Variants in RCOR1 observed in about 807,000 individuals in gnomAD.
RCOR1 encodes REST corepressor.
RCOR1 carries 12 observed loss-of-function variants against 64.0 expected under a neutral mutation model. That is an observed-to-expected ratio of 0.19 (90% CI 0.12 to 0.30). The LOEUF (loss-of-function observed/expected upper bound fraction) is 0.30, where lower values mean the gene tolerates loss of function less well. Ranked by LOEUF, RCOR1 falls within the 10% of genes least tolerant of loss-of-function variation. The pLI is 1.00. For missense variants in RCOR1, 502 were observed against 621.2 expected (o/e 0.81, Z 2.04); for synonymous variants, 279 against 227.2 (o/e 1.23, Z -2.05).
intron 2 of RCOR1, among the ~76,000 whole-genome samples, chr14:102,594,810 T>G (rs1893209904): frequency 6.6e-6 from 1 of 152,208 alleles, no homozygotes; most frequent in Admixed American, 6.5e-5. Context: ...GTTGACCCTG[T>G]CTTCATTTTG....
At chr14:102,677,063 G>A (rs1196725588) in intron 2 of RCOR1, among the ~76,000 whole-genome samples, 17 of 117,982 alleles carry the variant, frequency 1.4e-4, no homozygotes, top group South Asian at 2.8e-4. Context: ...GGACGGGGCG[G>A]CTGGCCGGGC....
At chr14:102,610,601 T>C (rs4906235) in intron 2 of RCOR1, among the ~76,000 whole-genome samples, 105,534 of 151,452 alleles carry the variant, frequency 0.7, 36,857 homozygotes, top group South Asian at 0.73. Flanking sequence ...GTCGCTCTGT[T>C]CCCCAGGCTG....
At chr14:102,610,228 G>A (rs1893598803) in intron 2 of RCOR1, among the ~76,000 whole-genome samples, 1 of 151,684 alleles carries the variant, frequency 6.6e-6, no homozygotes, top group Non-Finnish European at 1.5e-5. Flanking sequence ...TATATAAGCT[G>A]TACATGTTAT....
At chr14:102,631,875 A>G (rs957026274) in intron 2 of RCOR1, among the ~76,000 whole-genome samples, 1 of 151,738 alleles carries the variant, frequency 6.6e-6, no homozygotes, top group Non-Finnish European at 1.5e-5. Flanking sequence ...ATCTCGTCTC[A>G]CTGCAACCTC....
chr14:102,664,481 T>C (rs1045629045), intron 2 of RCOR1, among the ~76,000 whole-genome samples: 1 of 152,206 alleles, frequency 6.6e-6, no homozygotes, highest in African/African-American at 2.4e-5. Context: ...AATCATAGTA[T>C]TTTTGAAATA....
In RCOR1 at chr14:102,721,236, G is replaced by T. The variant is rs1896163071; in HGVS notation, c.1132-84G>T. The T allele has an allele frequency of 3.8e-6, 5 of 1,311,608 alleles. No individual in the cohort carries two copies. The South Asian group carries it at 5.0e-5, about 13-fold the overall frequency. 81.2% of individuals were successfully genotyped at this position (1,311,608 alleles called of 1,614,324 possible). The stretch of plus-strand genomic sequence containing the variant: ...CCAGTTGATGTTAAAATTCCGATAA[G>T]AGAAAATGAAAGGTTCGTTAAGCTC... On this transcript the variant is annotated intron_variant, in intron 9 of 11. Transcript: ENST00000262241.
intron 2 of RCOR1, among the ~76,000 whole-genome samples, chr14:102,621,367 CTTTTTTTT>C (rs35481023): frequency 1.3e-5 from 1 of 78,516 alleles, no homozygotes; most frequent in South Asian, 5.0e-4. Context: ...CAGTCTTTGT[CTTTTTTTT>C]TTTTTTTTTT....
At chr14:102,715,527 G>T (rs1386433858) in intron 8 of RCOR1, among the ~76,000 whole-genome samples, 1 of 151,506 alleles carries the variant, frequency 6.6e-6, no homozygotes, top group African/African-American at 2.4e-5. Flanking sequence ...GAGTACAGGC[G>T]CTTGTCATCA....
chr14:102,623,145 A>C (rs1893908613), intron 2 of RCOR1, among the ~76,000 whole-genome samples: 1 of 152,076 alleles, frequency 6.6e-6, no homozygotes, highest in African/African-American at 2.4e-5. Context: ...AGTTTCATTC[A>C]CAGTTTCATT....
intron 2 of RCOR1, among the ~76,000 whole-genome samples, chr14:102,675,047 CAAAAAAAA>C (rs761294133): frequency 6.3e-5 from 4 of 63,412 alleles, no homozygotes; most frequent in Admixed American, 1.8e-4. Flanking sequence ...GACTCCACCT[CAAAAAAAA>C]AAAAAAAAAA....
At position 102,620,537 on chromosome 14, in the gene RCOR1, A is replaced by G. The variant is rs529249555; in HGVS notation, c.361+27212A>G. Reference sequence around the variant, plus strand: ...AGCCGAGATCGTGCCGTTGTACTTCAGCATCAACAAGAGCGAAACCGTCTC... The same window carrying G: ...AGCCGAGATCGTGCCGTTGTACTTCGGCATCAACAAGAGCGAAACCGTCTC... On this transcript the variant is annotated intron_variant, in intron 2 of 11. Coordinates refer to ENST00000262241, the MANE Select transcript of RCOR1 (RefSeq NM_015156.4). Among the ~76,000 whole-genome samples the G allele has an allele frequency of 4.6e-5, 7 of 152,326 alleles. No individual in the cohort carries two copies. The East Asian group carries it at 1.3e-3, about 29-fold the overall frequency.
intron 2 of RCOR1, among the ~76,000 whole-genome samples, chr14:102,603,627 T>C (rs1235284412): frequency 6.6e-6 from 1 of 152,050 alleles, no homozygotes; most frequent in Non-Finnish European, 1.5e-5. Flanking sequence ...TTGCTATTTT[T>C]CTTTTTTTTC....
chr14:102,627,695 A>C (rs1279137537), intron 2 of RCOR1, among the ~76,000 whole-genome samples: 1 of 151,646 alleles, frequency 6.6e-6, no homozygotes, highest in Non-Finnish European at 1.5e-5. Context: ...CAAAAAAACA[A>C]ACTTCTTTTG....
intron 7 of RCOR1, among the ~76,000 whole-genome samples, chr14:102,713,819 G>C (rs1188417045): frequency 6.6e-6 from 1 of 152,178 alleles, no homozygotes; most frequent in South Asian, 2.1e-4. Context: ...GAATGCTAAT[G>C]CACTAACAAG....
chr14:102,728,313 T>A lies in RCOR1; in HGVS notation c.*1807T>A, dbSNP rs1038087851. 6 of 152,096 alleles carry A rather than the reference T, an allele frequency of 3.9e-5. No homozygotes were observed. Among genetic ancestry groups the A allele is most frequent in the African/African-American group, 7.2e-5 (3 of 41,394 alleles). The allele number at this position is 152,096 out of a possible 1,614,324, so 9.4% of individuals were successfully genotyped here. A position where few individuals can be genotyped will look rare whatever the true frequency, so the allele number is the denominator to read the frequency against. On this transcript the variant is annotated 3_prime_UTR_variant, in exon 12 of 12. Transcript: ENST00000262241. ...GGGAAGCATCAGAGGAGTCCCGGAT[T>A]GCTGCTGCTACCTGGAGACAGGGTT...
At chr14:102,639,505 A>G in intron 2 of RCOR1, among the ~76,000 whole-genome samples, 1 of 84,720 alleles carries the variant, frequency 1.2e-5, no homozygotes, top group South Asian at 3.2e-4. Flanking sequence ...ATTTTTATTT[A>G]TTTATTTATT....
intron 2 of RCOR1, among the ~76,000 whole-genome samples, chr14:102,639,501 A>T (rs774929358): frequency 6.4e-3 from 150 of 23,406 alleles, no homozygotes; most frequent in Admixed American, 0.01. Context: ...TTTAATTTTT[A>T]TTTATTTATT....
chr14:102,635,687 A>G (rs551487643), intron 2 of RCOR1, among the ~76,000 whole-genome samples: 3 of 152,256 alleles, frequency 2.0e-5, no homozygotes, highest in Middle Eastern at 3.4e-3. Flanking sequence ...CTGTATTACA[A>G]CTAATCTGCA....
chr14:102,633,912 C>T (rs1225485522), intron 2 of RCOR1, among the ~76,000 whole-genome samples: 1 of 152,148 alleles, frequency 6.6e-6, no homozygotes, highest in Non-Finnish European at 1.5e-5. Context: ...ATTAAAAATT[C>T]TATTCTCTGT....
Sources: allele counts gnomAD v4.1 joint callset (sites outside exome capture counted in the v4.1 genomes callset), GRCh38; gene constraint gnomAD v4.1.1; transcripts MANE v1.5; gene names NCBI Gene and HGNC (gene_info 2026-07-23, HGNC 2026-07-21).